The following WDR82 variants were observed in gnomAD, a reference collection of about 807,000 sequenced individuals.
WDR82 encodes WD repeat-containing protein 82.
A neutral mutation model predicts 36.1 loss-of-function variants in WDR82; 8 were observed. The observed-to-expected ratio is 0.22, with a 90% CI of 0.13 to 0.40. The LOEUF is 0.40. Ranked by LOEUF, WDR82 falls within the 10% of genes least tolerant of loss-of-function variation. The pLI, the probability that WDR82 is intolerant of heterozygous loss-of-function variation, is 1.00. For missense variants in WDR82, 185 were observed against 400.5 expected (o/e 0.46, Z 4.59); for synonymous variants, 129 against 137.8 (o/e 0.94, Z 0.45).
At chr3:52,274,438 G>A (rs1700184404) in intron 1 of WDR82, among the ~76,000 whole-genome samples, 1 of 152,140 alleles carries the variant, frequency 6.6e-6, no homozygotes, top group African/African-American at 2.4e-5. Flanking sequence ...GTTGGCGAGT[G>A]CTTGTAGGCC....
intron 2 of WDR82, among the ~76,000 whole-genome samples, chr3:52,270,410 G>A (rs958993794): frequency 5.9e-5 from 9 of 152,158 alleles, no homozygotes; most frequent in East Asian, 3.8e-4. Context: ...GAGCCCCTAC[G>A]CCCGGCTTTA....
chr3:52,269,956 A>G (rs1008555208), intron 2 of WDR82, among the ~76,000 whole-genome samples: 1 of 152,228 alleles, frequency 6.6e-6, no homozygotes, highest in African/African-American at 2.4e-5. Context: ...TCCTGGAATC[A>G]GAAGTGACTA....
intron 3 of WDR82, among the ~76,000 whole-genome samples, chr3:52,264,972 T>C (rs1263298914): frequency 1.3e-5 from 2 of 152,016 alleles, no homozygotes; most frequent in African/African-American, 2.4e-5. Context: ...TCATTTTGTA[T>C]AGCCTTGATT....
chr3:52,270,176 A>G (rs1362173923), intron 2 of WDR82, among the ~76,000 whole-genome samples: 1 of 152,122 alleles, frequency 6.6e-6, no homozygotes, highest in African/African-American at 2.4e-5. Flanking sequence ...CTGGAGTGCA[A>G]TGGCGTGATC....
At chr3:52,275,029 C>T (rs1393694317) in intron 1 of WDR82, among the ~76,000 whole-genome samples, 3 of 152,038 alleles carry the variant, frequency 2.0e-5, no homozygotes, top group Non-Finnish European at 4.4e-5. Flanking sequence ...CGAGACCAGC[C>T]TGACCAACAT....
chr3:52,261,235 A>T (rs892971163), intron 4 of WDR82, 145 bp downstream of exon 4: 67 of 673,156 alleles, frequency 1.0e-4, no homozygotes, highest in Non-Finnish European at 1.5e-4. Flanking sequence ...GCTACCAACT[A>T]AAAAAACAGA....
intron 1 of WDR82, among the ~76,000 whole-genome samples, chr3:52,277,556 A>G (rs1700216585): frequency 6.6e-6 from 1 of 152,226 alleles, no homozygotes; most frequent in Admixed American, 6.5e-5. Context: ...TGTTGCTGAA[A>G]AGTTCACTTA....
At position 52,266,932 on chromosome 3, in the gene WDR82, C is replaced by T. The variant is rs753482961; in HGVS notation, c.326+20G>A. On this transcript the variant is annotated intron_variant, in intron 3 of 8. Transcript: ENST00000296490. ...TCAGGGATAAAAGAACTATCTGCTT[C>T]TATAATACGTGGGTCTTACCTTTTG... 1 of 1,598,580 alleles carries T rather than the reference C, an allele frequency of 6.3e-7. No individual in the cohort carries two copies. Among genetic ancestry groups the T allele is most frequent in the Non-Finnish European group, 8.6e-7 (1 of 1,168,116 alleles).
chr3:52,268,546 A>G (rs1473801743), intron 2 of WDR82, among the ~76,000 whole-genome samples: 1 of 152,212 alleles, frequency 6.6e-6, no homozygotes, highest in Non-Finnish European at 1.5e-5. Flanking sequence ...AACAGAAGAA[A>G]TAAACCAGTC....
rs534063402 is a variant in WDR82 at position 52,259,515 on chromosome 3, A to C, written c.699+202T>G. ...TGTTAGGAAATTATTTTATATCTAA[A>C]TACCAAACTTGGGTCACTTGGTGAG... On this transcript the variant is annotated intron_variant, in intron 6 of 8. Coordinates refer to ENST00000296490, the MANE Select transcript of WDR82 (RefSeq NM_025222.4). Among the ~76,000 whole-genome samples the C allele has an allele frequency of 2.0e-5, 3 of 152,354 alleles. 1 individual carries two copies. In the South Asian group the frequency reaches 6.2e-4, roughly 32 times the overall value.
chr3:52,259,247 G>C lies in WDR82; in HGVS notation c.719C>G (p.Ala240Gly), dbSNP rs1700038763. 1 of 1,614,198 alleles carries C rather than the reference G, an allele frequency of 6.2e-7. No individual in the cohort carries two copies. The highest frequency in any genetic ancestry group is 8.5e-7 in the Non-Finnish European group (1 of 1,180,032). ...AGTAAATGAAGCCTCCAGTGTGACA[G>C]CTTTGCTGTTGGCATAACCCTAAAA... ...HTFGGYANSKAVTLEASFTPD... is the reference protein window; with the variant it reads ...HTFGGYANSKGVTLEASFTPD... The change falls in exon 7 of 9, where the codon GCT (alanine) becomes GGT (glycine). Residue 240 changes from alanine (A) to glycine (G), a missense_variant. Physicochemically the swap from Ala to Gly is moderately conservative, Grantham distance 60. Coordinates refer to ENST00000296490, the MANE Select transcript of WDR82 (RefSeq NM_025222.4).
At position 52,259,765 on chromosome 3, in the gene WDR82, G is replaced by A. The variant is rs1396937060; in HGVS notation, c.651C>T (p.Phe217=). 1 of 1,613,998 alleles carries A rather than the reference G, an allele frequency of 6.2e-7. No individual in the cohort carries two copies. Among genetic ancestry groups the A allele is most frequent in the African/African-American group, 1.3e-5 (1 of 74,922 alleles). ...KLILISTNGS[F]IRLIDAFKGV... Reference sequence around the variant, plus strand: ...CTTTGAATGCATCAATCAGACGAATGAAGCTGCCGTTGGTGGAAATGAGGA... The same window carrying A: ...CTTTGAATGCATCAATCAGACGAATAAAGCTGCCGTTGGTGGAAATGAGGA... Residue 217 remains phenylalanine (F), a synonymous_variant, in exon 6 of 9, where the codon TTC becomes TTT. Coordinates refer to ENST00000296490, the MANE Select transcript of WDR82 (RefSeq NM_025222.4).
At position 52,256,140 on chromosome 3, in the gene WDR82, C is replaced by A. The variant is rs1174343533; in HGVS notation, c.*1350G>T. 6.5e-6 allele frequency: 1 copy of A among 153,964 alleles called. No individual in the cohort carries two copies. Among genetic ancestry groups the A allele is most frequent in the Non-Finnish European group, 1.5e-5 (1 of 68,102 alleles). 9.5% of individuals were successfully genotyped at this position (153,964 alleles called of 1,614,324 possible). A position where few individuals can be genotyped will look rare whatever the true frequency, so the allele number is the denominator to read the frequency against. On this transcript the variant is annotated 3_prime_UTR_variant, in exon 9 of 9. Coordinates refer to ENST00000296490, the MANE Select transcript of WDR82 (RefSeq NM_025222.4). ...CCAAAGTGCAGCTTGAGGAACACAG[C>A]AAGTCATCCCAAGACCCTCACTTAG...
At position 52,278,492 on chromosome 3, in the gene WDR82, G is replaced by A. The variant is rs1700228736; in HGVS notation, c.-131C>T. The A allele has an allele frequency of 1.3e-6, 1 of 783,650 alleles. No homozygotes were observed. The highest frequency in any genetic ancestry group is 1.7e-6 in the Non-Finnish European group (1 of 582,830). The allele number at this position is 783,650 out of a possible 1,614,324, so 48.5% of individuals were successfully genotyped here. ...GCGGCTAGCGGGAAGTCGGCCAACA[G>A]TTGGGCCGCCTCCTCCTCTTCTTCC... On this transcript the variant is annotated 5_prime_UTR_variant, in exon 1 of 9. Coordinates refer to ENST00000296490, the MANE Select transcript of WDR82 (RefSeq NM_025222.4).
At chr3:52,263,729 T>C (rs956696184) in intron 3 of WDR82, among the ~76,000 whole-genome samples, 50 of 152,068 alleles carry the variant, frequency 3.3e-4, no homozygotes, top group African/African-American at 1.2e-3. Context: ...TGAGCCAGAA[T>C]TGGAAGAGAC....
In WDR82 at chr3:52,259,203, T is replaced by C; in HGVS notation, c.763A>G (p.Met255Val). ...ASFTPDSQFI[M>V]IGSEDGKIHV... ...GGGATAAAAGGAAACTCACCAATCA[T>C]AATAAACTGAGAGTCTGGAGTAAAT... Residue 255 changes from methionine (M) to valine (V), a missense_variant, in exon 7 of 9, where the codon ATG becomes GTG. Transcript: ENST00000296490. 6.2e-7 allele frequency: 1 copy of C among 1,614,020 alleles called. No individual in the cohort carries two copies. Among genetic ancestry groups the C allele is most frequent in the East Asian group, 2.2e-5 (1 of 44,896 alleles).
intron 3 of WDR82, among the ~76,000 whole-genome samples, chr3:52,264,056 G>A (rs1474206852): frequency 2.0e-5 from 3 of 152,070 alleles, no homozygotes; most frequent in African/African-American, 4.8e-5. Context: ...CCAGCTATTC[G>A]GGAGGCTGAG....
At chr3:52,259,360 T>C (rs557664171) in intron 6 of WDR82, 94 bp from the exon 7 acceptor site, 6 of 1,258,100 alleles carry the variant, frequency 4.8e-6, no homozygotes, top group Non-Finnish European at 6.9e-6. Flanking sequence ...ATCACCTTCC[T>C]TTCCATGAAA....
intron 3 of WDR82, among the ~76,000 whole-genome samples, chr3:52,265,313 A>G: frequency 1.1e-5 from 1 of 95,166 alleles, no homozygotes; most frequent in Non-Finnish European, 2.5e-5. Flanking sequence ...AAAAAAAAAA[A>G]AAAAAAAAAA....
Sources: allele counts gnomAD v4.1 joint callset (sites outside exome capture counted in the v4.1 genomes callset), GRCh38; gene constraint gnomAD v4.1.1; transcripts MANE v1.5; gene names NCBI Gene and HGNC (gene_info 2026-07-23, HGNC 2026-07-21).